CUL5: variants seen among roughly 807,000 people sequenced by gnomAD.
CUL5 encodes cullin-5.
In CUL5, 26 loss-of-function variants were observed where a neutral mutation model predicts 108.8. The ratio of observed to expected loss-of-function variants is 0.24; its 90% CI spans 0.18 to 0.33. CUL5 has a LOEUF of 0.33. CUL5 is among the 10% of genes least tolerant of loss of function. The pLI, the probability that CUL5 is intolerant of heterozygous loss-of-function variation, is 1.00. For synonymous variants in CUL5, 334 were observed against 298.0 expected (o/e 1.12, Z -1.25); for missense variants, 524 against 909.2 (o/e 0.58, Z 5.45).
intron 7 of CUL5, among the ~76,000 whole-genome samples, chr11:108,058,929 C>T (rs755858151): frequency 6.6e-6 from 1 of 152,126 alleles, no homozygotes; most frequent in Non-Finnish European, 1.5e-5. Context: ...CCGAGCTGTG[C>T]TGCTGAACAG....
In CUL5 at chr11:108,015,468, A is replaced by C. The variant is rs570479841; in HGVS notation, c.24+6096A>C. On this transcript the variant is annotated intron_variant, in intron 1 of 18. Coordinates refer to ENST00000393094, the MANE Select transcript of CUL5 (RefSeq NM_003478.6). ...TTAAACATAAATGAGAACCTTATTAAGAACTTGTCAATTTTTCATTGGGTT... is the reference window on the plus strand; with the variant it reads ...TTAAACATAAATGAGAACCTTATTACGAACTTGTCAATTTTTCATTGGGTT... Among the ~76,000 whole-genome samples, 30 of 152,368 alleles carry C rather than the reference A, an allele frequency of 2.0e-4. No homozygotes were observed. The South Asian group carries it at 5.0e-3, about 25-fold the overall frequency.
intron 11 of CUL5, among the ~76,000 whole-genome samples, chr11:108,086,416 G>A (rs1864224331): frequency 6.6e-6 from 1 of 152,076 alleles, no homozygotes; most frequent in Admixed American, 6.6e-5. Context: ...GTATCTAGAT[G>A]TCCATATCAA....
chr11:108,012,695 C>G (rs1312225541), intron 1 of CUL5, among the ~76,000 whole-genome samples: 1 of 152,034 alleles, frequency 6.6e-6, no homozygotes, highest in Non-Finnish European at 1.5e-5. Context: ...CTCCCAGGTT[C>G]AAGCAATTCT....
chr11:108,098,416 A>G lies in CUL5; in HGVS notation c.2035A>G (p.Lys679Glu). ...NQEFSLIKNA[K>E]VQKRGKINLI... ...CAATTCTTTTTGTAGAAAAAATGCA[A>G]AGGTTCAGAAAAGGGGTAAAATCAA... Residue 679 changes from lysine to glutamate, a missense_variant, in exon 18 of 19, where the codon AAG (lysine) becomes GAG (glutamate). Coordinates refer to ENST00000393094, the MANE Select transcript of CUL5 (RefSeq NM_003478.6). 6.2e-7 allele frequency: 1 copy of G among 1,602,778 alleles called. No individual in the cohort carries two copies. Among genetic ancestry groups the G allele is most frequent in the Non-Finnish European group, 8.5e-7 (1 of 1,176,122 alleles).
chr11:108,091,385 A>G (rs2135230619), intron 13 of CUL5, among the ~76,000 whole-genome samples: 2 of 151,620 alleles, frequency 1.3e-5, no homozygotes, highest in Middle Eastern at 3.4e-3. Context: ...AAATATCAAG[A>G]CCCAACAGTA....
chr11:108,032,996 T>C (rs1251493258), intron 1 of CUL5, among the ~76,000 whole-genome samples: 2 of 152,208 alleles, frequency 1.3e-5, no homozygotes, highest in African/African-American at 4.8e-5. Context: ...GCTTGGGGGA[T>C]TCCCAAAACC....
At chr11:108,089,368 G>C in intron 12 of CUL5, 124 bp from the exon 13 acceptor site, 1 of 570,128 alleles carries the variant, frequency 1.8e-6, no homozygotes, top group Non-Finnish European at 2.9e-6. Context: ...TAATTCAGTA[G>C]GCCTCTATCT....
At chr11:108,074,222 T>C (rs1337556136) in intron 10 of CUL5, among the ~76,000 whole-genome samples, 1 of 148,728 alleles carries the variant, frequency 6.7e-6, no homozygotes, top group African/African-American at 2.5e-5. Context: ...GAGACTGAGT[T>C]TCGCTCTTGT....
At chr11:108,084,029 T>C (rs1864165265) in intron 11 of CUL5, among the ~76,000 whole-genome samples, 1 of 152,198 alleles carries the variant, frequency 6.6e-6, no homozygotes, top group Non-Finnish European at 1.5e-5. Context: ...AGTGTTAGTG[T>C]ATTTTATGTA....
rs1392772252 is a variant in CUL5 at position 108,098,576 on chromosome 11, T to TG, written c.2148+47_2148+48insG. On this transcript the variant is annotated intron_variant, in intron 18 of 18. Coordinates refer to ENST00000393094, the MANE Select transcript of CUL5 (RefSeq NM_003478.6). ...TCTGAAGTTTAAAAAAACTTTAGTTTTTTTTTTTTTTTTTTAAATTTTGAA... is the reference window on the plus strand; with the variant it reads ...TCTGAAGTTTAAAAAAACTTTAGTTTGTTTTTTTTTTTTTTTAAATTTTGAA... The TG allele has an allele frequency of 2.4e-6, 3 of 1,228,588 alleles. No individual in the cohort carries two copies. The African/African-American group carries it at 4.9e-5, about 20-fold the overall frequency. 76.1% of individuals were successfully genotyped at this position (1,228,588 alleles called of 1,614,324 possible).
intron 11 of CUL5, among the ~76,000 whole-genome samples, chr11:108,080,886 A>G (rs1475979138): frequency 6.6e-6 from 1 of 151,748 alleles, no homozygotes; most frequent in Non-Finnish European, 1.5e-5. Context: ...AGTTCAGTTT[A>G]CCTATTTTTT....
chr11:108,037,644 G>T (rs1862780895), intron 2 of CUL5, among the ~76,000 whole-genome samples: 1 of 152,150 alleles, frequency 6.6e-6, no homozygotes, highest in Admixed American at 6.5e-5. Flanking sequence ...ATAAAATATT[G>T]TCTACCAGGG....
intron 10 of CUL5, 75 bp downstream of exon 10, chr11:108,073,572 C>T: frequency 3.3e-6 from 2 of 598,460 alleles, no homozygotes; most frequent in Non-Finnish European, 5.4e-6. Context: ...AATCAATTTG[C>T]ATTATTTTTC....
intron 13 of CUL5, among the ~76,000 whole-genome samples, chr11:108,091,732 C>CACACACACACACAT (rs1555024090): frequency 6.7e-6 from 1 of 149,806 alleles, no homozygotes; most frequent in Non-Finnish European, 1.5e-5. Flanking sequence ...CACACACACA[C>CACACACACACACAT]GACAAATAAT....
intron 1 of CUL5, among the ~76,000 whole-genome samples, chr11:108,033,550 GAAGA>G (rs1031190253): frequency 9.9e-5 from 15 of 152,138 alleles, no homozygotes; most frequent in African/African-American, 3.4e-4. Flanking sequence ...TAGAAGCCAA[GAAGA>G]AAGACCAGAC....
In CUL5 at chr11:108,097,657, C is replaced by G. The variant is rs1864533840; in HGVS notation, c.1927C>G (p.Leu643Val). ...TLWSLVAFPKLKRQVLLYEPQ... is the reference protein window; with the variant it reads ...TLWSLVAFPKVKRQVLLYEPQ... ...ATAGTCTTTAGTAGCTTTCCCAAAA[C>G]TCAAACGGCAAGTTTTGTTGTATGA... is the stretch of plus-strand genomic sequence containing the variant. The change falls in exon 17 of 19, where the codon CTC becomes GTC. Residue 643 changes from leucine to valine, a missense_variant. Leu to Val is a conservative substitution (Grantham distance 32). Transcript: ENST00000393094. 6.2e-7 allele frequency: 1 copy of G among 1,612,476 alleles called. No individual in the cohort carries two copies. Among genetic ancestry groups the G allele is most frequent in the Non-Finnish European group, 8.5e-7 (1 of 1,178,800 alleles).
chr11:108,063,887 A>G (rs1863610826), intron 7 of CUL5, among the ~76,000 whole-genome samples: 1 of 152,076 alleles, frequency 6.6e-6, no homozygotes, highest in Admixed American at 6.5e-5. Context: ...ACACATTCTC[A>G]CCAATATTTG....
chr11:108,104,437 G>C lies in CUL5; in HGVS notation c.*53G>C. The C allele has an allele frequency of 8.6e-7, 1 of 1,168,982 alleles. No homozygotes were observed. Among genetic ancestry groups the C allele is most frequent in the East Asian group, 2.7e-5 (1 of 36,806 alleles). 72.4% of individuals were successfully genotyped at this position (1,168,982 alleles called of 1,614,324 possible). A position where few individuals can be genotyped will look rare whatever the true frequency, so the allele number is the denominator to read the frequency against. On this transcript the variant is annotated 3_prime_UTR_variant, in exon 19 of 19. Coordinates refer to ENST00000393094, the MANE Select transcript of CUL5 (RefSeq NM_003478.6). ...ACCCAAATTTTGGAGTGCTTGGGCA[G>C]AAAGTTGTAAAGTTTGTGCTGGAGA... is the stretch of plus-strand genomic sequence containing the variant.
chr11:108,014,655 G>T (rs1246660983), intron 1 of CUL5, among the ~76,000 whole-genome samples: 11 of 152,288 alleles, frequency 7.2e-5, no homozygotes, highest in South Asian at 4.1e-4. Context: ...CATAGCAGGA[G>T]TAATTAAGTC....
Sources: gnomAD v4.1 joint callset for allele counts (sites outside exome capture counted in the v4.1 genomes callset) on GRCh38, gnomAD v4.1.1 for gene constraint, MANE v1.5 for transcripts, NCBI Gene and HGNC (gene_info 2026-07-23, HGNC 2026-07-21) for gene names.